The following SHISA6 variants were observed in gnomAD, a reference collection of about 807,000 sequenced individuals.
The protein encoded by SHISA6 is shisa family member 6.
Under a neutral mutation model 47.9 loss-of-function variants are expected in SHISA6, and 22 were observed. The observed-to-expected ratio is 0.46, with a 90% CI of 0.33 to 0.66. The LOEUF (loss-of-function observed/expected upper bound fraction) is 0.66. SHISA6 is among the 30% of genes least tolerant of loss of function. The probability of loss-of-function intolerance (pLI) is 0.02; values close to 1 mark genes in which losing one functional copy is unlikely to be tolerated. For missense variants in SHISA6, 680 were observed against 764.6 expected (o/e 0.89, Z 1.30); for synonymous variants, 388 against 337.8 (o/e 1.15, Z -1.63).
intron 2 of SHISA6, among the ~76,000 whole-genome samples, chr17:11,352,889 A>G (rs1188522080): frequency 6.6e-6 from 1 of 152,154 alleles, no homozygotes; most frequent in Non-Finnish European, 1.5e-5. Context: ...GGGAGAAACA[A>G]ATTCCATATA....
chr17:11,287,255 GGGAA>G (rs1567561305), intron 2 of SHISA6, among the ~76,000 whole-genome samples: 2 of 146,832 alleles, frequency 1.4e-5, no homozygotes, highest in Admixed American at 6.8e-5. Context: ...GAAGGAGGGA[GGGAA>G]GGAAGGAAGC....
At chr17:11,384,367 C>T (rs1913126572) in intron 3 of SHISA6, among the ~76,000 whole-genome samples, 1 of 152,188 alleles carries the variant, frequency 6.6e-6, no homozygotes, top group Non-Finnish European at 1.5e-5. Context: ...AAAAGATAAG[C>T]CAGGAGTTAC....
intron 2 of SHISA6, among the ~76,000 whole-genome samples, chr17:11,294,509 T>A (rs1490744722): frequency 2.6e-5 from 4 of 152,216 alleles, no homozygotes; most frequent in African/African-American, 9.6e-5. Flanking sequence ...CGTGCGAGGC[T>A]GCTCCTTTTT....
chr17:11,433,905 T>C (rs895345022), intron 3 of SHISA6, among the ~76,000 whole-genome samples: 7 of 151,904 alleles, frequency 4.6e-5, no homozygotes, highest in Admixed American at 4.6e-4. Flanking sequence ...AAAGGAAAAA[T>C]AGGTAATTTC....
intron 2 of SHISA6, among the ~76,000 whole-genome samples, chr17:11,371,362 G>C (rs1045934273): frequency 6.6e-6 from 1 of 152,094 alleles, no homozygotes; most frequent in African/African-American, 2.4e-5. Flanking sequence ...AGCAAACCCC[G>C]GGCTCTCTCC....
At chr17:11,273,288 C>T (rs1429382631) in intron 2 of SHISA6, among the ~76,000 whole-genome samples, 3 of 152,166 alleles carry the variant, frequency 2.0e-5, no homozygotes, top group East Asian at 1.9e-4. Flanking sequence ...GACAGGGCCC[C>T]GGGAGCCCCC....
intron 3 of SHISA6, among the ~76,000 whole-genome samples, chr17:11,491,509 A>G (rs994773905): frequency 1.3e-5 from 2 of 151,938 alleles, no homozygotes; most frequent in Non-Finnish European, 2.9e-5. Flanking sequence ...CTATGTTGTT[A>G]CCCAGGCTGG....
At chr17:11,511,053 A>C (rs2071536900) in intron 3 of SHISA6, among the ~76,000 whole-genome samples, 1 of 152,324 alleles carries the variant, frequency 6.6e-6, no homozygotes, top group East Asian at 1.9e-4. Flanking sequence ...ATGAGATGAC[A>C]TATGAACAGG....
chr17:11,396,575 CG>C (rs1368615531), intron 3 of SHISA6, among the ~76,000 whole-genome samples: 2 of 152,188 alleles, frequency 1.3e-5, no homozygotes, highest in Non-Finnish European at 2.9e-5. Flanking sequence ...CTGTCTTCCA[CG>C]ACGGTTGAAC....
intron 3 of SHISA6, among the ~76,000 whole-genome samples, chr17:11,491,976 G>A (rs1916496801): frequency 6.6e-6 from 1 of 152,010 alleles, no homozygotes; most frequent in African/African-American, 2.4e-5. Flanking sequence ...TCTCCATGTT[G>A]GTCAGGATGG....
At chr17:11,306,297 C>G (rs1296760786) in intron 2 of SHISA6, among the ~76,000 whole-genome samples, 2 of 152,136 alleles carry the variant, frequency 1.3e-5, no homozygotes, top group African/African-American at 4.8e-5. Flanking sequence ...TCATCCATCT[C>G]CCCAAGACCT....
chr17:11,506,559 C>A (rs1272191968), intron 3 of SHISA6, among the ~76,000 whole-genome samples: 8 of 152,172 alleles, frequency 5.3e-5, no homozygotes, highest in Non-Finnish European at 1.0e-4. Context: ...GGAAGTTAAA[C>A]TGTGTGTTGA....
chr17:11,491,764 T>A (rs59992323), intron 3 of SHISA6, among the ~76,000 whole-genome samples: 1 of 131,676 alleles, frequency 7.6e-6, no homozygotes, highest in Non-Finnish European at 1.6e-5. Flanking sequence ...GGGAAGCTGG[T>A]GAAGTGTTTT....
chr17:11,312,229 T>A (rs1910363885), intron 2 of SHISA6, among the ~76,000 whole-genome samples: 2 of 152,184 alleles, frequency 1.3e-5, no homozygotes, highest in Admixed American at 1.3e-4. Context: ...TCTCTTCATT[T>A]CCCTGAGTTT....
chr17:11,384,088 G>A (rs1389625700), intron 3 of SHISA6, among the ~76,000 whole-genome samples: 3 of 152,188 alleles, frequency 2.0e-5, no homozygotes, highest in Admixed American at 6.5e-5. Context: ...GGGAGAGCTC[G>A]TTACCTTCAT....
chr17:11,324,296 C>T (rs756136011), intron 2 of SHISA6, among the ~76,000 whole-genome samples: 1 of 152,182 alleles, frequency 6.6e-6, no homozygotes, highest in Non-Finnish European at 1.5e-5. Context: ...TCCTTTCCCC[C>T]GTAACACAGC....
chr17:11,413,671 C>A (rs1914200455), intron 3 of SHISA6, among the ~76,000 whole-genome samples: 1 of 152,204 alleles, frequency 6.6e-6, no homozygotes, highest in African/African-American at 2.4e-5. Flanking sequence ...CTCTCATCAC[C>A]CCACAGGCTC....
At chr17:11,248,205 A>G (rs1363955538) in intron 1 of SHISA6, among the ~76,000 whole-genome samples, 2 of 152,206 alleles carry the variant, frequency 1.3e-5, no homozygotes, top group African/African-American at 4.8e-5. Context: ...ACAATTCAGG[A>G]TACATTGCTA....
chr17:11,475,923 C>A (rs1916041193), intron 3 of SHISA6, among the ~76,000 whole-genome samples: 1 of 151,922 alleles, frequency 6.6e-6, no homozygotes, highest in Non-Finnish European at 1.5e-5. Context: ...CTGGTGACTT[C>A]AGTTCTGGAA....
Sources: gnomAD v4.1 joint callset for allele counts (sites outside exome capture counted in the v4.1 genomes callset) on GRCh38, gnomAD v4.1.1 for gene constraint, MANE v1.5 for transcripts, NCBI Gene and HGNC (gene_info 2026-07-23, HGNC 2026-07-21) for gene names.